The following ZFHX3 variants were observed in gnomAD, a reference collection of about 807,000 sequenced individuals.
The protein encoded by ZFHX3 is zinc finger homeobox 3, also known as zinc finger homeobox protein 3.
ZFHX3 carries 42 observed loss-of-function variants against 279.1 expected under a neutral mutation model. That is an observed-to-expected ratio of 0.15 (90% confidence interval 0.12 to 0.19). The LOEUF is 0.19. Ranked by LOEUF, ZFHX3 falls within the 10% of genes least tolerant of loss-of-function variation. ZFHX3 has a pLI of 1.00. For synonymous variants in ZFHX3, 2,293 were observed against 1,957.8 expected (o/e 1.17, Z -4.52); for missense variants, 4,981 against 4,754.0 (o/e 1.05, Z -1.40).
chr16:73,307,189 A>G (rs781441599), intron 4 of ZFHX3, among the ~76,000 whole-genome samples: 1 of 152,212 alleles, frequency 6.6e-6, no homozygotes, highest in Non-Finnish European at 1.5e-5. Context: ...CTGTCCATCA[A>G]GTCATCTGAG....
intron 5 of ZFHX3, among the ~76,000 whole-genome samples, chr16:73,162,979 G>A (rs963253935): frequency 2.0e-5 from 3 of 152,194 alleles, no homozygotes; most frequent in Non-Finnish European, 4.4e-5. Context: ...ACGGAGCTCA[G>A]ATTCCAGGAA....
chr16:73,714,740 A>C (rs2053398186), intron 1 of ZFHX3, among the ~76,000 whole-genome samples: 1 of 152,100 alleles, frequency 6.6e-6, no homozygotes, highest in Non-Finnish European at 1.5e-5. Context: ...ATGTTTTCCA[A>C]AATATCCACT....
chr16:72,919,775 A>ATTTTTTTT (rs1567583993), intron 3 of ZFHX3, among the ~76,000 whole-genome samples: 3 of 49,574 alleles, frequency 6.1e-5, no homozygotes, highest in African/African-American at 2.8e-4. Flanking sequence ...TATATGCACC[A>ATTTTTTTT]TCTTTTTTTT....
At chr16:73,411,025 G>A (rs1248390427) in intron 3 of ZFHX3, among the ~76,000 whole-genome samples, 1 of 152,126 alleles carries the variant, frequency 6.6e-6, no homozygotes, top group East Asian at 1.9e-4. Context: ...GATGGATATG[G>A]GTTGCTCTCC....
intron 9 of ZFHX3, chr16:72,791,102 G>C (rs927405622): frequency 2.6e-5 from 4 of 152,156 alleles, no homozygotes; most frequent in African/African-American, 9.7e-5. Flanking sequence ...CAAATCTGGA[G>C]TCACACTGAC....
chr16:72,895,873 CTAGATAGA>C (rs146417471), intron 3 of ZFHX3, among the ~76,000 whole-genome samples: 3 of 151,776 alleles, frequency 2.0e-5, no homozygotes, highest in Non-Finnish European at 4.4e-5. Context: ...GTAGATTAGA[CTAGATAGA>C]TAGATAGATA....
intron 1 of ZFHX3, among the ~76,000 whole-genome samples, chr16:73,887,473 A>G (rs2030384295): frequency 6.6e-6 from 1 of 152,248 alleles, no homozygotes; most frequent in Non-Finnish European, 1.5e-5. Context: ...TGTCTGGTTT[A>G]TGATAGATTA....
At chr16:73,879,614 A>C (rs1218704496) in intron 1 of ZFHX3, among the ~76,000 whole-genome samples, 2 of 152,164 alleles carry the variant, frequency 1.3e-5, no homozygotes, top group African/African-American at 4.8e-5. Flanking sequence ...TATCACTGTA[A>C]TTAAATAAGA....
chr16:73,364,850 G>C (rs1266384763), intron 3 of ZFHX3, among the ~76,000 whole-genome samples: 1 of 152,106 alleles, frequency 6.6e-6, no homozygotes, highest in East Asian at 1.9e-4. Flanking sequence ...CTAGATATTG[G>C]GACAAGAGAT....
intron 1 of ZFHX3, among the ~76,000 whole-genome samples, chr16:73,872,423 CGG>C (rs1246604438): frequency 6.6e-6 from 1 of 151,844 alleles, no homozygotes; most frequent in Non-Finnish European, 1.5e-5. Context: ...CTAGTAGACA[CGG>C]GGTTTCACCA....
chr16:73,885,888 AC>A (rs2142418475), intron 1 of ZFHX3, among the ~76,000 whole-genome samples: 1 of 152,092 alleles, frequency 6.6e-6, no homozygotes, highest in Admixed American at 6.6e-5. Flanking sequence ...AGCAGTAAGT[AC>A]CCCCCTGACT....
intron 4 of ZFHX3, among the ~76,000 whole-genome samples, chr16:72,839,783 A>T (rs1375202702): frequency 6.6e-6 from 1 of 151,896 alleles, no homozygotes; most frequent in African/African-American, 2.4e-5. Context: ...TGTGGGGGGG[A>T]TGAAGAAGGG....
At chr16:72,915,392 T>C (rs1448471928) in intron 3 of ZFHX3, among the ~76,000 whole-genome samples, 1 of 152,156 alleles carries the variant, frequency 6.6e-6, no homozygotes, top group Non-Finnish European at 1.5e-5. Context: ...CGACACCCAG[T>C]GTCCGGGATC....
chr16:73,528,741 T>G (rs890864675), intron 2 of ZFHX3, among the ~76,000 whole-genome samples: 19 of 152,250 alleles, frequency 1.2e-4, no homozygotes, highest in African/African-American at 4.6e-4. Flanking sequence ...AGTCTTGTTT[T>G]GACCAACACC....
chr16:73,527,994 A>G (rs572317394), intron 2 of ZFHX3, among the ~76,000 whole-genome samples: 32 of 152,370 alleles, frequency 2.1e-4, no homozygotes, highest in Non-Finnish European at 4.6e-4. Context: ...GTAATTTGTT[A>G]TGTATCAATA....
intron 5 of ZFHX3, among the ~76,000 whole-genome samples, chr16:73,215,347 C>A (rs1171847514): frequency 6.6e-6 from 1 of 152,186 alleles, no homozygotes; most frequent in African/African-American, 2.4e-5. Context: ...CCACCCCTTC[C>A]ATGCAGGCCC....
chr16:72,871,285 C>T (rs1227760858), intron 4 of ZFHX3, among the ~76,000 whole-genome samples: 1 of 152,096 alleles, frequency 6.6e-6, no homozygotes, highest in African/African-American at 2.4e-5. Context: ...AAGCGATTCT[C>T]CTGCCTCTGC....
chr16:73,618,813 A>G (rs1453778402), intron 2 of ZFHX3, among the ~76,000 whole-genome samples: 1 of 152,158 alleles, frequency 6.6e-6, no homozygotes, highest in African/African-American at 2.4e-5. Context: ...AATTGATTCA[A>G]TCCTGGACAT....
At chr16:73,192,440 G>C (rs906133544) in intron 5 of ZFHX3, among the ~76,000 whole-genome samples, 7 of 152,148 alleles carry the variant, frequency 4.6e-5, no homozygotes, top group Non-Finnish European at 1.0e-4. Flanking sequence ...GAGTGATCCG[G>C]TGCCAGCGGC....
Sources: allele counts gnomAD v4.1 joint callset (sites outside exome capture counted in the v4.1 genomes callset), GRCh38; gene constraint gnomAD v4.1.1; transcripts MANE v1.5; gene names NCBI Gene and HGNC (gene_info 2026-07-23, HGNC 2026-07-21).